SGCZ: variants seen among roughly 807,000 people sequenced by gnomAD.
SGCZ encodes sarcoglycan zeta.
A neutral mutation model predicts 41.3 loss-of-function variants in SGCZ; 40 were observed. That is an observed-to-expected ratio of 0.97 (90% CI 0.75 to 1.26). The LOEUF (loss-of-function observed/expected upper bound fraction) is 1.26, where lower values mean the gene tolerates loss of function less well. Ranked by LOEUF, SGCZ falls within the 50% of genes most tolerant of loss-of-function variation. The pLI, the probability that SGCZ is intolerant of heterozygous loss-of-function variation, is 0.00. For missense variants in SGCZ, 552 were observed against 369.8 expected, an observed-to-expected ratio of 1.49 and a Z score of -4.04; for synonymous variants, 206 against 137.5, an observed-to-expected ratio of 1.50 and a Z score of -3.49.
chr8:14,815,759 A>G (rs1050295804), intron 1 of SGCZ, among the ~76,000 whole-genome samples: 1 of 152,234 alleles, frequency 6.6e-6, no homozygotes, highest in African/African-American at 2.4e-5. Flanking sequence ...AATGAGGGCA[A>G]TCTATTATAC....
intron 2 of SGCZ, among the ~76,000 whole-genome samples, chr8:14,463,514 A>G (rs1393481822): frequency 6.6e-6 from 1 of 151,598 alleles, no homozygotes; most frequent in Non-Finnish European, 1.5e-5. Context: ...AGACCCAAAT[A>G]TGAAATCTAA....
At chr8:14,844,287 C>T (rs966298882) in intron 1 of SGCZ, among the ~76,000 whole-genome samples, 1 of 152,070 alleles carries the variant, frequency 6.6e-6, no homozygotes, top group Non-Finnish European at 1.5e-5. Context: ...TTCTCACATA[C>T]TTTAGAGAGT....
chr8:14,622,797 A>G (rs1484051877), intron 1 of SGCZ, among the ~76,000 whole-genome samples: 1 of 152,210 alleles, frequency 6.6e-6, no homozygotes, highest in Non-Finnish European at 1.5e-5. Flanking sequence ...AATTTCACTG[A>G]TGTTATTAGT....
At chr8:14,238,539 A>C (rs1388821407) in intron 3 of SGCZ, among the ~76,000 whole-genome samples, 1 of 152,208 alleles carries the variant, frequency 6.6e-6, no homozygotes, top group Non-Finnish European at 1.5e-5. Flanking sequence ...AGCATTTAAC[A>C]GTAAAACAGT....
At chr8:14,381,796 C>T (rs546645587) in intron 2 of SGCZ, among the ~76,000 whole-genome samples, 136 of 150,952 alleles carry the variant, frequency 9.0e-4, no homozygotes, top group African/African-American at 3.3e-3. Context: ...AAAAAAAAAA[C>T]AAAAAACAAA....
chr8:15,150,815 T>C (rs74432149), intron 1 of SGCZ, among the ~76,000 whole-genome samples: 2,704 of 152,294 alleles, frequency 0.018, 75 homozygotes, highest in African/African-American at 0.059. Context: ...AAGGCTGTGG[T>C]TTTTTTGTTT....
chr8:14,820,350 C>G (rs1802037677), intron 1 of SGCZ, among the ~76,000 whole-genome samples: 1 of 151,738 alleles, frequency 6.6e-6, no homozygotes, highest in Admixed American at 6.6e-5. Flanking sequence ...ACTGGAGCAC[C>G]CAGGTATATA....
intron 5 of SGCZ, among the ~76,000 whole-genome samples, chr8:14,128,694 G>A (rs1327519340): frequency 1.3e-5 from 2 of 151,898 alleles, no homozygotes; most frequent in Admixed American, 6.6e-5. Context: ...TGATAAAAAT[G>A]TGATGTGTGT....
chr8:14,932,600 C>G lies in SGCZ; in HGVS notation c.39+304985G>C, dbSNP rs541781842. Among the ~76,000 whole-genome samples the G allele has an allele frequency of 9.9e-5, 15 of 151,966 alleles. No individual in the cohort carries two copies. In the South Asian group the frequency reaches 3.1e-3, roughly 32 times the overall value. ...TTATAACATATTTTACTAAAAGAAC[C>G]ATTATCCTCAGAATAGCTCTCAGCC... is the stretch of plus-strand genomic sequence containing the variant. On this transcript the variant is annotated intron_variant, in intron 1 of 7. Coordinates refer to ENST00000382080, the MANE Select transcript of SGCZ (RefSeq NM_139167.4).
At chr8:14,607,600 T>C (rs1174236743) in intron 1 of SGCZ, among the ~76,000 whole-genome samples, 2 of 152,124 alleles carry the variant, frequency 1.3e-5, no homozygotes, top group African/African-American at 4.8e-5. Context: ...TTGACAACAA[T>C]TTCAATTAAC....
intron 2 of SGCZ, among the ~76,000 whole-genome samples, chr8:14,500,878 T>C (rs1802132526): frequency 6.6e-6 from 1 of 152,024 alleles, no homozygotes; most frequent in Non-Finnish European, 1.5e-5. Context: ...CAAAAAGTAG[T>C]TCAGGAAAAA....
At chr8:14,763,006 T>C (rs1799938967) in intron 1 of SGCZ, among the ~76,000 whole-genome samples, 1 of 152,222 alleles carries the variant, frequency 6.6e-6, no homozygotes, top group Non-Finnish European at 1.5e-5. Flanking sequence ...AACATCTAAG[T>C]TGTAGCTTAG....
chr8:14,446,759 T>C (rs1483827714), intron 2 of SGCZ, among the ~76,000 whole-genome samples: 7 of 152,182 alleles, frequency 4.6e-5, no homozygotes, highest in Non-Finnish European at 1.0e-4. Flanking sequence ...TGAGTCTTCA[T>C]GCACCCTGGT....
chr8:14,299,700 G>A (rs978841468), intron 3 of SGCZ, among the ~76,000 whole-genome samples: 5 of 151,720 alleles, frequency 3.3e-5, no homozygotes, highest in East Asian at 1.9e-4. Context: ...CTCTTTACAC[G>A]CTGCTGGTAG....
At chr8:14,276,402 A>G (rs1800234532) in intron 3 of SGCZ, among the ~76,000 whole-genome samples, 3 of 152,160 alleles carry the variant, frequency 2.0e-5, no homozygotes, top group African/African-American at 7.2e-5. Flanking sequence ...TCAGGGTTTC[A>G]TTGCATGACT....
At chr8:14,293,888 A>G (rs1800926057) in intron 3 of SGCZ, among the ~76,000 whole-genome samples, 1 of 151,856 alleles carries the variant, frequency 6.6e-6, no homozygotes, top group South Asian at 2.1e-4. Flanking sequence ...CAGGAGCCAA[A>G]TCTTAAAATA....
chr8:15,223,751 T>C (rs1398020475), intron 1 of SGCZ, among the ~76,000 whole-genome samples: 1 of 152,212 alleles, frequency 6.6e-6, no homozygotes, highest in Non-Finnish European at 1.5e-5. Flanking sequence ...ACATTTCAGA[T>C]AGTATGGAGT....
intron 4 of SGCZ, among the ~76,000 whole-genome samples, chr8:14,199,538 C>T (rs1805387442): frequency 6.6e-6 from 1 of 152,076 alleles, no homozygotes; most frequent in Non-Finnish European, 1.5e-5. Flanking sequence ...TTTGTACACT[C>T]CCTCCCCTTT....
intron 2 of SGCZ, among the ~76,000 whole-genome samples, chr8:14,471,950 T>C (rs1416548923): frequency 6.6e-6 from 1 of 152,052 alleles, no homozygotes; most frequent in Admixed American, 6.6e-5. Context: ...ATACCCACAG[T>C]TATATAAGCT....
Sources: allele counts gnomAD v4.1 joint callset (sites outside exome capture counted in the v4.1 genomes callset), GRCh38; gene constraint gnomAD v4.1.1; transcripts MANE v1.5; gene names NCBI Gene and HGNC (gene_info 2026-07-23, HGNC 2026-07-21).